The following SAMD12 variants were observed in gnomAD, a reference collection of about 807,000 sequenced individuals.
SAMD12 encodes the protein sterile alpha motif domain containing 12.
SAMD12 carries 9 observed loss-of-function variants against 15.0 expected under a neutral mutation model. The ratio of observed to expected loss-of-function variants is 0.60; its 90% confidence interval spans 0.36 to 1.05. The LOEUF is 1.05. Ranked by LOEUF, SAMD12 falls within the 50% of genes least tolerant of loss-of-function variation. The pLI is 0.01. For missense variants in SAMD12, 230 were observed against 234.2 expected (o/e 0.98, Z 0.12); for synonymous variants, 86 against 90.1 (o/e 0.96, Z 0.25).
intron 4 of SAMD12, among the ~76,000 whole-genome samples, chr8:118,329,125 C>CAA (rs142994064): frequency 3.3e-5 from 5 of 151,564 alleles, no homozygotes; most frequent in Admixed American, 6.6e-5. Context: ...GAAAAGTAAA[C>CAA]AAAAAAAATC....
chr8:118,595,401 T>C (rs1031155430), intron 1 of SAMD12, among the ~76,000 whole-genome samples: 39 of 152,226 alleles, frequency 2.6e-4, no homozygotes, highest in Admixed American at 6.5e-5. Flanking sequence ...GATTAGCAAT[T>C]CATTTTATGG....
intron 2 of SAMD12, among the ~76,000 whole-genome samples, chr8:118,486,364 C>T (rs560586980): frequency 3.3e-5 from 5 of 151,238 alleles, no homozygotes; most frequent in East Asian, 3.9e-4. Flanking sequence ...TGCAGTGAGC[C>T]GAGATTGCGC....
chr8:118,205,877 C>T (rs1034689328), intron 4 of SAMD12, among the ~76,000 whole-genome samples: 2 of 152,120 alleles, frequency 1.3e-5, no homozygotes, highest in South Asian at 4.2e-4. Flanking sequence ...AAAAAGAATG[C>T]CCTTGTGTGC....
chr8:118,503,907 A>G (rs1228158375), intron 2 of SAMD12, among the ~76,000 whole-genome samples: 1 of 152,206 alleles, frequency 6.6e-6, no homozygotes, highest in Non-Finnish European at 1.5e-5. Flanking sequence ...CAAATCAGCC[A>G]TATTGAGTAG....
At chr8:118,617,988 T>A (rs1463472372) in intron 1 of SAMD12, among the ~76,000 whole-genome samples, 1 of 151,874 alleles carries the variant, frequency 6.6e-6, no homozygotes, top group African/African-American at 2.4e-5. Context: ...GAGGTCCTAG[T>A]CCCCAGTCCT....
At chr8:118,349,196 T>G (rs1817827758) in intron 4 of SAMD12, among the ~76,000 whole-genome samples, 1 of 152,158 alleles carries the variant, frequency 6.6e-6, no homozygotes, top group Non-Finnish European at 1.5e-5. Context: ...ATAAGCCAAT[T>G]TTTAATATGC....
chr8:118,195,702 G>A (rs975608933), exon 5 of SAMD12: 1 of 152,390 alleles, frequency 6.6e-6, no homozygotes, highest in Non-Finnish European at 1.5e-5. Flanking sequence ...TAATGTTGGG[G>A]AGGAGGAGAT....
intron 2 of SAMD12, among the ~76,000 whole-genome samples, chr8:118,467,674 T>C (rs1447866283): frequency 6.6e-6 from 1 of 152,196 alleles, no homozygotes; most frequent in African/African-American, 2.4e-5. Flanking sequence ...TGGCACCTCC[T>C]AATCAATTTG....
At position 118,243,524 on chromosome 8, in the gene SAMD12, G is replaced by A. The variant is rs545971803; in HGVS notation, c.434-45792C>T. 3.3e-5 allele frequency among the ~76,000 whole-genome samples: 5 copies of A among 152,176 alleles called. No individual in the cohort carries two copies. The South Asian group carries it at 1.0e-3, about 32-fold the overall frequency. On this transcript the variant is annotated intron_variant, in intron 4 of 4. Coordinates refer to the SAMD12 transcript ENST00000409003. ...TACACTTGAAAGATCAAAGGCATTT[G>A]CAATGAAATATTAACAGTTGTTATT...
rs56200866 is a variant in SAMD12 at position 118,305,144 on chromosome 8, C to CAA, written c.433+74414_433+74415dup. On this transcript the variant is annotated intron_variant, in intron 4 of 4. Coordinates refer to the SAMD12 transcript ENST00000409003. ...AGCCTGGGCAAAAGTGACTCCCTGTCAAAAAAAAAAAAAAAAAAAAAAAAA... is the reference window on the plus strand; with the variant it reads ...AGCCTGGGCAAAAGTGACTCCCTGTCAAAAAAAAAAAAAAAAAAAAAAAAAAA... 1.1e-3 allele frequency among the ~76,000 whole-genome samples: 52 copies of CAA among 48,884 alleles called. 5 individuals carry two copies. The highest frequency in any genetic ancestry group is 1.3e-3 in the East Asian group (2 of 1,510). 32.1% of individuals were successfully genotyped at this position (48,884 alleles called of 152,430 possible). A position where few individuals can be genotyped will look rare whatever the true frequency, so the allele number is the denominator to read the frequency against.
intron 3 of SAMD12, among the ~76,000 whole-genome samples, chr8:118,386,016 A>G (rs17682068): frequency 0.046 from 6,970 of 152,278 alleles, 226 homozygotes; most frequent in Non-Finnish European, 0.067. Flanking sequence ...TTTTGAACAC[A>G]CACCAACTGA....
intron 2 of SAMD12, among the ~76,000 whole-genome samples, chr8:118,553,162 A>C (rs1261715371): frequency 1.3e-5 from 2 of 152,042 alleles, no homozygotes. Context: ...GACTTTCTTC[A>C]CAGAATTGGA....
chr8:118,401,542 T>C (rs1399690993), intron 3 of SAMD12, among the ~76,000 whole-genome samples: 3 of 41,500 alleles, frequency 7.2e-5, no homozygotes, highest in African/African-American at 3.0e-4. Flanking sequence ...CTTCTTCTTC[T>C]TTTTTTTTTT....
intron 4 of SAMD12, among the ~76,000 whole-genome samples, chr8:118,324,221 C>G (rs1000384303): frequency 2.6e-5 from 4 of 152,192 alleles, no homozygotes; most frequent in Middle Eastern, 3.4e-3. Flanking sequence ...AACAAAGAAC[C>G]ACCTAATATT....
At chr8:118,507,475 C>T (rs1234855647) in intron 2 of SAMD12, among the ~76,000 whole-genome samples, 1 of 152,084 alleles carries the variant, frequency 6.6e-6, no homozygotes, top group Non-Finnish European at 1.5e-5. Context: ...CCTCATCTCA[C>T]TCCCTATTAT....
At chr8:118,438,689 A>C (rs985935307) in intron 3 of SAMD12, among the ~76,000 whole-genome samples, 2 of 152,174 alleles carry the variant, frequency 1.3e-5, no homozygotes, top group Admixed American at 6.5e-5. Context: ...CTGCTTAACA[A>C]GTCCCTTTTT....
chr8:118,547,189 C>T (rs545795338), intron 2 of SAMD12, among the ~76,000 whole-genome samples: 5 of 152,304 alleles, frequency 3.3e-5, no homozygotes, highest in South Asian at 4.1e-4. Flanking sequence ...TTTACAACAG[C>T]ATGTTCCACA....
intron 2 of SAMD12, among the ~76,000 whole-genome samples, chr8:118,452,237 G>C (rs1823107465): frequency 6.6e-6 from 1 of 152,080 alleles, no homozygotes; most frequent in Non-Finnish European, 1.5e-5. Context: ...CCAGTATGTG[G>C]TACCTCATTA....
At chr8:118,287,601 G>A (rs1814121593) in intron 4 of SAMD12, among the ~76,000 whole-genome samples, 1 of 152,266 alleles carries the variant, frequency 6.6e-6, no homozygotes, top group South Asian at 2.1e-4. Flanking sequence ...AGCACGTGGT[G>A]CCCGGTTTTT....
Sources: allele counts gnomAD v4.1 joint callset (sites outside exome capture counted in the v4.1 genomes callset), GRCh38; gene constraint gnomAD v4.1.1; transcripts MANE v1.5; gene names NCBI Gene and HGNC (gene_info 2026-07-23, HGNC 2026-07-21).